Variants in ADGRB3 observed in about 807,000 individuals in gnomAD.
The protein encoded by ADGRB3 is brain-specific angiogenesis inhibitor 3.
ADGRB3 carries 37 observed loss-of-function variants against 193.4 expected under a neutral mutation model. The observed-to-expected ratio is 0.19, with a 90% CI of 0.15 to 0.25. ADGRB3 has a LOEUF of 0.25. Ranked by LOEUF, ADGRB3 falls within the 10% of genes least tolerant of loss-of-function variation. The pLI, the probability that ADGRB3 is intolerant of heterozygous loss-of-function variation, is 1.00. For synonymous variants in ADGRB3, 690 were observed against 644.2 expected (o/e 1.07, Z -1.08); for missense variants, 1,637 against 1,852.9 (o/e 0.88, Z 2.14).
chr6:69,113,691 C>G (rs780227828), intron 17 of ADGRB3, among the ~76,000 whole-genome samples: 1 of 152,130 alleles, frequency 6.6e-6, no homozygotes, highest in African/African-American at 2.4e-5. Flanking sequence ...AATAAACTTA[C>G]ATGAATGAGG....
intron 3 of ADGRB3, among the ~76,000 whole-genome samples, chr6:68,705,242 T>C (rs1019433589): frequency 2.0e-5 from 3 of 152,226 alleles, no homozygotes; most frequent in Non-Finnish European, 4.4e-5. Context: ...TTTGCTTGTA[T>C]GTTTTCTCCA....
intron 20 of ADGRB3, among the ~76,000 whole-genome samples, chr6:69,301,612 A>T (rs1352040240): frequency 6.6e-6 from 1 of 151,932 alleles, no homozygotes; most frequent in Non-Finnish European, 1.5e-5. Context: ...ATGCTAGGAG[A>T]ATAAGAGAAA....
intron 3 of ADGRB3, among the ~76,000 whole-genome samples, chr6:68,906,574 C>A (rs1412203430): frequency 1.3e-5 from 2 of 151,886 alleles, no homozygotes; most frequent in Non-Finnish European, 2.9e-5. Flanking sequence ...TGTTAAAAGA[C>A]ACATTTTACA....
chr6:69,382,973 C>A, intron 31 of ADGRB3, 38 bp downstream of exon 31: 1 of 1,366,516 alleles, frequency 7.3e-7, no homozygotes, highest in Non-Finnish European at 1.0e-6. Flanking sequence ...GTAGAAGATG[C>A]ATCATGTCAG....
intron 3 of ADGRB3, among the ~76,000 whole-genome samples, chr6:68,851,665 C>A (rs1465042864): frequency 6.6e-6 from 1 of 151,698 alleles, no homozygotes; most frequent in Non-Finnish European, 1.5e-5. Flanking sequence ...TGAATATGTA[C>A]AAGTCTTATT....
chr6:68,915,479 A>G (rs1392254346), intron 3 of ADGRB3, among the ~76,000 whole-genome samples: 1 of 152,258 alleles, frequency 6.6e-6, no homozygotes, highest in East Asian at 1.9e-4. Context: ...ATAAAATACA[A>G]CAGGAACAAT....
chr6:68,638,578 C>A, intron 2 of ADGRB3, 83 bp from the exon 3 acceptor site: 2 of 1,332,654 alleles, frequency 1.5e-6, no homozygotes, highest in Non-Finnish European at 2.0e-6. Context: ...TTGAAAACAG[C>A]TGGCTGTAAT....
intron 3 of ADGRB3, among the ~76,000 whole-genome samples, chr6:68,671,635 A>G (rs947203690): frequency 1.3e-5 from 2 of 151,922 alleles, no homozygotes; most frequent in Admixed American, 1.3e-4. Context: ...GCTCTTTTTA[A>G]TGTATTGTTG....
Position 69,361,062 on chromosome 6 carries a change from T to G in ADGRB3, c.3789T>G (p.Asn1263Lys). 3 of 1,612,856 alleles carry G rather than the reference T, an allele frequency of 1.9e-6. No individual in the cohort carries two copies. Among genetic ancestry groups the G allele is most frequent in the Non-Finnish European group, 2.5e-6 (3 of 1,179,230 alleles). ...GTTTGCACATGCCCATGAGTATGAA[T>G]GAGCTTAGCAATCCATGTTTGAAAA... ...PTGLHMPMSMNELSNPCLKKE... is the reference protein window; with the variant it reads ...PTGLHMPMSMKELSNPCLKKE... The change falls in exon 29 of 32, where the codon AAT (asparagine) becomes AAG (lysine). Residue 1263 changes from asparagine to lysine, a missense_variant. Coordinates refer to ENST00000370598, the MANE Select transcript of ADGRB3 (RefSeq NM_001704.3).
intron 3 of ADGRB3, among the ~76,000 whole-genome samples, chr6:68,761,124 C>A (rs1385918865): frequency 6.6e-6 from 1 of 152,172 alleles, no homozygotes; most frequent in Non-Finnish European, 1.5e-5. Flanking sequence ...AGGACAGCTG[C>A]TGACGGTAGT....
At chr6:68,747,222 G>C (rs1229989874) in intron 3 of ADGRB3, among the ~76,000 whole-genome samples, 1 of 152,092 alleles carries the variant, frequency 6.6e-6, no homozygotes, top group Non-Finnish European at 1.5e-5. Flanking sequence ...TTTCTTTCAG[G>C]CTATTAGCCT....
intron 17 of ADGRB3, among the ~76,000 whole-genome samples, chr6:69,149,128 T>C (rs1056567113): frequency 6.6e-6 from 1 of 152,162 alleles, no homozygotes. Context: ...ATAAACTTTC[T>C]ACACCATCTC....
chr6:69,361,284 T>C lies in ADGRB3; in HGVS notation c.4011T>C (p.His1337=), dbSNP rs781151198. ...ATATTGGCATGGAAACCTTGCCGCA[T>C]GAAAGGCTATTGCACTACAAAGTAA... ...KMNIGMETLP[H]ERLLHYKVNP... is the part of the protein sequence containing the mutation. The change falls in exon 29 of 32, where the codon CAT becomes CAC. Residue 1337 remains histidine (H), a synonymous_variant. Coordinates refer to ENST00000370598, the MANE Select transcript of ADGRB3 (RefSeq NM_001704.3). 5 of 1,612,768 alleles carry C rather than the reference T, an allele frequency of 3.1e-6. No homozygotes were observed. The highest frequency in any genetic ancestry group is 1.1e-5 in the South Asian group (1 of 91,066).
chr6:68,880,882 T>C (rs1760266597), intron 3 of ADGRB3, among the ~76,000 whole-genome samples: 1 of 152,166 alleles, frequency 6.6e-6, no homozygotes, highest in South Asian at 2.1e-4. Flanking sequence ...TTTCTTACTT[T>C]AAAAAAGAGG....
intron 3 of ADGRB3, among the ~76,000 whole-genome samples, chr6:68,708,813 C>T (rs1765365891): frequency 6.6e-6 from 1 of 152,006 alleles, no homozygotes; most frequent in African/African-American, 2.4e-5. Context: ...TTCATACTTG[C>T]AAATAGTATC....
chr6:68,832,915 G>A (rs1018970753), intron 3 of ADGRB3, among the ~76,000 whole-genome samples: 2 of 152,136 alleles, frequency 1.3e-5, no homozygotes, highest in African/African-American at 2.4e-5. Context: ...CTGCCTGCCT[G>A]GAAATCTGAA....
intron 10 of ADGRB3, among the ~76,000 whole-genome samples, chr6:68,977,625 TA>T (rs1210749474): frequency 6.6e-6 from 1 of 152,144 alleles, no homozygotes; most frequent in Non-Finnish European, 1.5e-5. Flanking sequence ...ATTCAGTCAA[TA>T]ATTGACAGCA....
At chr6:69,039,666 T>C (rs561334563) in intron 13 of ADGRB3, among the ~76,000 whole-genome samples, 2 of 152,046 alleles carry the variant, frequency 1.3e-5, no homozygotes, top group Admixed American at 6.6e-5. Flanking sequence ...TAGTAAACTA[T>C]GTGCATATTC....
intron 3 of ADGRB3, among the ~76,000 whole-genome samples, chr6:68,733,799 C>T (rs192623953): frequency 4.0e-5 from 6 of 151,870 alleles, no homozygotes; most frequent in East Asian, 3.9e-4. Context: ...ACTTAAAGAA[C>T]GTAAGAATGT....
Sources: allele counts gnomAD v4.1 joint callset (sites outside exome capture counted in the v4.1 genomes callset), GRCh38; gene constraint gnomAD v4.1.1; transcripts MANE v1.5; gene names NCBI Gene and HGNC (gene_info 2026-07-23, HGNC 2026-07-21).